Variants in LAMA3 observed in about 807,000 individuals in gnomAD.
The protein encoded by LAMA3 is laminin subunit alpha 3.
LAMA3 carries 281 observed loss-of-function variants against 402.0 expected under a neutral mutation model. The observed-to-expected ratio is 0.70, with a 90% CI of 0.63 to 0.77. LAMA3 has a LOEUF of 0.77. Ranked by LOEUF, LAMA3 falls within the 30% of genes least tolerant of loss-of-function variation. LAMA3 has a pLI of 0.00. For synonymous variants in LAMA3, 1,431 were observed against 1,558.4 expected, an observed-to-expected ratio of 0.92 and a Z score of 1.93; for missense variants, 3,840 against 4,215.5, an observed-to-expected ratio of 0.91 and a Z score of 2.47.
intron 18 of LAMA3, among the ~76,000 whole-genome samples, chr18:23,819,161 T>A (rs2063232996): frequency 7.1e-6 from 1 of 140,830 alleles, no homozygotes; most frequent in Non-Finnish European, 1.5e-5. Context: ...AGCTTGTGAC[T>A]GGATTGGCGA....
At chr18:23,835,939 G>T (rs1228279295) in intron 24 of LAMA3, among the ~76,000 whole-genome samples, 14 of 152,132 alleles carry the variant, frequency 9.2e-5, no homozygotes, top group Non-Finnish European at 1.5e-5. Flanking sequence ...AATCTAATCT[G>T]CTCTCCATAA....
chr18:23,755,822 C>G (rs1006674132), intron 6 of LAMA3, among the ~76,000 whole-genome samples: 15 of 152,166 alleles, frequency 9.9e-5, no homozygotes, highest in African/African-American at 3.4e-4. Context: ...GCAGAGTGGT[C>G]ATCACGAAGG....
intron 68 of LAMA3, among the ~76,000 whole-genome samples, chr18:23,940,379 C>T (rs917016268): frequency 1.3e-5 from 2 of 152,184 alleles, no homozygotes; most frequent in African/African-American, 4.8e-5. Flanking sequence ...TCTAATACCC[C>T]CGAGTGTCAC....
chr18:23,847,407 TGCTGGAGCCCAGGCGGCC>T, intron 31 of LAMA3, 39 bp from the exon 32 acceptor site: 1 of 1,568,082 alleles, frequency 6.4e-7, no homozygotes, highest in Middle Eastern at 1.7e-4. Context: ...GGTGGAGTGC[TGCTGGAGCCCAGGCGGCC>T]TTTGACCCTC....
At chr18:23,827,565 A>C (rs977228669) in intron 23 of LAMA3, 98 bp downstream of exon 23, 6 of 1,340,990 alleles carry the variant, frequency 4.5e-6, no homozygotes, top group Non-Finnish European at 5.2e-6. Context: ...ATTCAGGGGA[A>C]CCTGGAAGAA....
chr18:23,901,610 T>C (rs1372063114), intron 48 of LAMA3, among the ~76,000 whole-genome samples: 5 of 152,326 alleles, frequency 3.3e-5, no homozygotes, highest in African/African-American at 1.2e-4. Flanking sequence ...GCCAAATAGA[T>C]GAGAAATTAA....
Position 23,713,905 on chromosome 18 carries a change from C to CTTT in LAMA3, c.295-6_295-4dup. ...AAAAACAAAAAACAAAAAAAACCCA[C>CTTT]TTTTTTTTTTTCAGGGCCAGTTCTG... On this transcript the variant is annotated splice_polypyrimidine_tract_variant and intron_variant, in intron 1 of 74. Transcript: ENST00000313654. 4 of 1,260,480 alleles carry CTTT rather than the reference C, an allele frequency of 3.2e-6. No individual in the cohort carries two copies. Among genetic ancestry groups the CTTT allele is most frequent in the African/African-American group, 1.5e-5 (1 of 67,400 alleles). The allele number at this position is 1,260,480 out of a possible 1,614,324, so 78.1% of individuals were successfully genotyped here.
intron 4 of LAMA3, among the ~76,000 whole-genome samples, chr18:23,750,062 G>A (rs185345210): frequency 1.3e-5 from 2 of 152,314 alleles, no homozygotes; most frequent in Admixed American, 1.3e-4. Flanking sequence ...GCATGGAGCC[G>A]ATCCTACGTG....
chr18:23,761,405 G>A (rs2061965892), intron 7 of LAMA3, among the ~76,000 whole-genome samples: 1 of 152,228 alleles, frequency 6.6e-6, no homozygotes, highest in East Asian at 1.9e-4. Flanking sequence ...AAGGTTTAGA[G>A]TGTTGGCTAA....
At chr18:23,838,344 A>G (rs567908369) in intron 25 of LAMA3, among the ~76,000 whole-genome samples, 1 of 152,332 alleles carries the variant, frequency 6.6e-6, no homozygotes, top group African/African-American at 2.4e-5. Context: ...ATTCTTTATT[A>G]AGAAGGGTTA....
chr18:23,804,147 A>AG (rs2062917599), intron 12 of LAMA3, among the ~76,000 whole-genome samples: 1 of 152,234 alleles, frequency 6.6e-6, no homozygotes, highest in Non-Finnish European at 1.5e-5. Context: ...CTCAAAAAAA[A>AG]GTTATCTGCA....
intron 2 of LAMA3, among the ~76,000 whole-genome samples, chr18:23,721,861 A>G (rs2061219555): frequency 6.6e-6 from 1 of 152,220 alleles, no homozygotes; most frequent in Non-Finnish European, 1.5e-5. Flanking sequence ...CATAGTGGTG[A>G]GCTGAGAAAG....
At chr18:23,905,944 T>A (rs866349644) in intron 52 of LAMA3, among the ~76,000 whole-genome samples, 17 of 152,122 alleles carry the variant, frequency 1.1e-4, no homozygotes, top group Middle Eastern at 3.4e-3. Flanking sequence ...TTTGTATTTT[T>A]TTTAGAGGCA....
At position 23,814,427 on chromosome 18, in the gene LAMA3, G is replaced by T. The variant is rs767682879; in HGVS notation, c.1813G>T (p.Val605Phe). The change falls in exon 15 of 75, where the codon GTT becomes TTT. Residue 605 changes from valine (V) to phenylalanine (F), a missense_variant. Around this residue, in one of 3 missense-constraint regions of LAMA3, gnomAD observed 2,109 missense variants for 2,376.0 expected, o/e 0.89. Coordinates refer to ENST00000313654, the MANE Select transcript of LAMA3 (RefSeq NM_198129.4). ...NLGYCQCKLH[V>F]EGPTCSRCKL... ...GGGGTATTGCCAATGCAAGCTTCAT[G>T]TTGAAGGTCCTACTTGTAGCCGCTG... 6.2e-7 allele frequency: 1 copy of T among 1,613,330 alleles called. No individual in the cohort carries two copies.
intron 9 of LAMA3, 95 bp from the exon 10 acceptor site, chr18:23,775,697 T>C: frequency 7.2e-7 from 1 of 1,387,040 alleles, no homozygotes; most frequent in Non-Finnish European, 1.0e-6. Context: ...AGACCAAGGA[T>C]CAAGTATGGA....
At position 23,903,802 on chromosome 18, in the gene LAMA3, G is replaced by A. The variant is rs1037495069; in HGVS notation, c.6319-131G>A. The A allele has an allele frequency of 3.9e-6, 3 of 777,890 alleles. No individual in the cohort carries two copies. In the African/African-American group the frequency reaches 5.1e-5, roughly 13 times the overall value. 48.2% of individuals were successfully genotyped at this position (777,890 alleles called of 1,614,324 possible). On this transcript the variant is annotated intron_variant, in intron 49 of 74. Coordinates refer to ENST00000313654, the MANE Select transcript of LAMA3 (RefSeq NM_198129.4). ...AAGTGACCAAGGATTAACTGGTATGGTAAATAGGCTTAGAAAATATAACAT... is the reference window on the plus strand; with the variant it reads ...AAGTGACCAAGGATTAACTGGTATGATAAATAGGCTTAGAAAATATAACAT...
intron 54 of LAMA3, 127 bp downstream of exon 54, chr18:23,908,062 T>C (rs2081308585): frequency 1.2e-6 from 1 of 861,546 alleles, no homozygotes; most frequent in Non-Finnish European, 2.0e-6. Flanking sequence ...CAGCTCCACC[T>C]GATACAGGAT....
chr18:23,904,490 G>T (rs1303241430), intron 50 of LAMA3, 63 bp from the exon 51 acceptor site: 17 of 1,505,942 alleles, frequency 1.1e-5, no homozygotes, highest in Non-Finnish European at 1.5e-5. Flanking sequence ...GAAAGGTTTG[G>T]GGGGATGTCA....
intron 13 of LAMA3, among the ~76,000 whole-genome samples, 180 bp from the exon 14 acceptor site, chr18:23,812,877 G>T (rs2063101061): frequency 6.6e-6 from 1 of 152,176 alleles, no homozygotes; most frequent in South Asian, 2.1e-4. Flanking sequence ...GGGGATTAAG[G>T]ACCATAAATG....
Sources: allele counts gnomAD v4.1 joint callset (sites outside exome capture counted in the v4.1 genomes callset), GRCh38; gene constraint gnomAD v4.1.1; regional missense constraint gnomAD v4.1.1; transcripts MANE v1.5; gene names NCBI Gene and HGNC (gene_info 2026-07-23, HGNC 2026-07-21).